Variants in SYNPR observed in about 807,000 individuals in gnomAD.
SYNPR encodes synaptoporin.
SYNPR carries 23 observed loss-of-function variants against 32.9 expected under a neutral mutation model. The ratio of observed to expected loss-of-function variants is 0.70; its 90% CI spans 0.50 to 0.99. SYNPR has a LOEUF of 0.99. SYNPR is among the 50% of genes least tolerant of loss of function. The pLI is 0.00. For synonymous variants in SYNPR, 146 were observed against 135.9 expected, an observed-to-expected ratio of 1.07 and a Z score of -0.52; for missense variants, 318 against 349.3, an observed-to-expected ratio of 0.91 and a Z score of 0.71.
At chr3:63,462,688 C>T (rs1700607433) in intron 2 of SYNPR, among the ~76,000 whole-genome samples, 1 of 152,128 alleles carries the variant, frequency 6.6e-6, no homozygotes, top group South Asian at 2.1e-4. Flanking sequence ...TGAGATTTAT[C>T]TCTTTGGAAT....
intron 3 of SYNPR, among the ~76,000 whole-genome samples, chr3:63,544,418 G>T (rs957759826): frequency 6.6e-6 from 1 of 151,998 alleles, no homozygotes. Context: ...TTCCAAAGCC[G>T]ACAGGATAAT....
At chr3:63,261,131 G>C (rs540257132) in intron 2 of SYNPR, among the ~76,000 whole-genome samples, 1 of 152,060 alleles carries the variant, frequency 6.6e-6, no homozygotes, top group Non-Finnish European at 1.5e-5. Flanking sequence ...CTGCAAACTC[G>C]TTCAACCATT....
intron 2 of SYNPR, among the ~76,000 whole-genome samples, chr3:63,343,665 G>A (rs2087399118): frequency 6.6e-6 from 1 of 152,116 alleles, no homozygotes; most frequent in Non-Finnish European, 1.5e-5. Flanking sequence ...GCTCTATTGT[G>A]GCTTTTCTTC....
upstream of SYNPR, among the ~76,000 whole-genome samples, chr3:63,227,784 A>G (rs2086139665): frequency 6.6e-6 from 1 of 152,204 alleles, no homozygotes; most frequent in African/African-American, 2.4e-5. Context: ...CCAGGATTCC[A>G]GCAGTAGTCT....
intron 2 of SYNPR, among the ~76,000 whole-genome samples, chr3:63,394,454 T>C (rs2088186970): frequency 6.6e-6 from 1 of 152,226 alleles, no homozygotes; most frequent in Non-Finnish European, 1.5e-5. Context: ...GTTTGGTCCC[T>C]GAGCACAGAC....
At chr3:63,524,824 AGTGTGTGT>A (rs138062730) in intron 3 of SYNPR, among the ~76,000 whole-genome samples, 5 of 129,382 alleles carry the variant, frequency 3.9e-5, no homozygotes, top group Non-Finnish European at 3.2e-5. Context: ...TCATAATAGA[AGTGTGTGT>A]GTGTGTGTGT....
chr3:63,500,575 T>G (rs1701460562), intron 3 of SYNPR, among the ~76,000 whole-genome samples: 1 of 152,204 alleles, frequency 6.6e-6, no homozygotes, highest in Admixed American at 6.5e-5. Context: ...GATGTAGATG[T>G]GGACTGTAAT....
chr3:63,484,191 TGCA>T (rs1457211273), intron 3 of SYNPR, among the ~76,000 whole-genome samples: 1 of 152,198 alleles, frequency 6.6e-6, no homozygotes, highest in Non-Finnish European at 1.5e-5. Flanking sequence ...ATAATTGACA[TGCA>T]GCAATGTATC....
chr3:63,373,496 G>A (rs1391922909), intron 2 of SYNPR, among the ~76,000 whole-genome samples: 1 of 152,038 alleles, frequency 6.6e-6, no homozygotes, highest in Non-Finnish European at 1.5e-5. Flanking sequence ...TTGAAGACTT[G>A]CTCTCCAGAC....
chr3:63,345,918 G>A (rs1316692939), intron 2 of SYNPR, among the ~76,000 whole-genome samples: 2 of 151,936 alleles, frequency 1.3e-5, no homozygotes, highest in Admixed American at 6.6e-5. Context: ...AAGTTCAAGC[G>A]ATTCCCCTGC....
At chr3:63,256,124 G>A (rs2086380711) in intron 2 of SYNPR, among the ~76,000 whole-genome samples, 1 of 152,226 alleles carries the variant, frequency 6.6e-6, no homozygotes, top group Non-Finnish European at 1.5e-5. Context: ...GCCTGCCTCT[G>A]TAGGCTCCAC....
chr3:63,261,893 T>C (rs1330160887), intron 2 of SYNPR, among the ~76,000 whole-genome samples: 2 of 137,680 alleles, frequency 1.5e-5, no homozygotes, highest in East Asian at 4.4e-4. Flanking sequence ...GGGGGGAGAG[T>C]GGAGGGATAG....
intron 3 of SYNPR, among the ~76,000 whole-genome samples, chr3:63,527,513 C>T (rs1051945046): frequency 1.8e-4 from 27 of 152,152 alleles, no homozygotes; most frequent in African/African-American, 6.5e-4. Flanking sequence ...GGTGACATTG[C>T]TTTGCCAGAA....
chr3:63,464,754 A>C (rs573502320), intron 2 of SYNPR, among the ~76,000 whole-genome samples: 2 of 152,148 alleles, frequency 1.3e-5, no homozygotes, highest in East Asian at 1.9e-4. Flanking sequence ...GAATTGTGTC[A>C]CTAATTTTTG....
At chr3:63,247,562 G>A (rs2086301718) in intron 1 of SYNPR, among the ~76,000 whole-genome samples, 1 of 152,048 alleles carries the variant, frequency 6.6e-6, no homozygotes, top group South Asian at 2.1e-4. Context: ...TATCCCAAAA[G>A]GTCGCCCAGT....
At chr3:63,461,609 C>T (rs1357202353) in intron 2 of SYNPR, among the ~76,000 whole-genome samples, 4 of 151,864 alleles carry the variant, frequency 2.6e-5, no homozygotes, top group African/African-American at 4.8e-5. Flanking sequence ...AATCTAGGTC[C>T]CTCCAAGTTC....
the SYNPR span, among the ~76,000 whole-genome samples, chr3:63,208,099 C>T: frequency 0.78 from 118,595 of 151,958 alleles, 46,768 homozygotes; most frequent in Middle Eastern, 0.87. Context: ...AATATACTTC[C>T]GAAAGTCAGT....
upstream of SYNPR, among the ~76,000 whole-genome samples, chr3:63,226,220 G>C (rs919248199): frequency 7.6e-5 from 7 of 92,258 alleles, no homozygotes; most frequent in Admixed American, 2.8e-4. Flanking sequence ...GAAAAGATGT[G>C]GAAAAAAGGG....
the SYNPR span, among the ~76,000 whole-genome samples, chr3:63,222,580 G>A: frequency 6.6e-6 from 1 of 151,984 alleles, no homozygotes; most frequent in Non-Finnish European, 1.5e-5. Context: ...GCTGTGGTGT[G>A]ATCTCAGCTC....
Sources: allele counts gnomAD v4.1 joint callset (sites outside exome capture counted in the v4.1 genomes callset), GRCh38; gene constraint gnomAD v4.1.1; transcripts MANE v1.5; gene names NCBI Gene and HGNC (gene_info 2026-07-23, HGNC 2026-07-21).